SMG1: variants seen among roughly 807,000 people sequenced by gnomAD.
The protein encoded by SMG1 is serine/threonine-protein kinase SMG1.
A neutral mutation model predicts 419.9 loss-of-function variants in SMG1; 22 were observed. That is an observed-to-expected ratio of 0.05 (90% CI 0.04 to 0.07). SMG1 has a LOEUF of 0.07. Ranked by LOEUF, SMG1 falls within the 10% of genes least tolerant of loss-of-function variation. SMG1 has a pLI of 1.00. For synonymous variants in SMG1, 1,538 were observed against 1,553.5 expected (o/e 0.99, Z 0.23); for missense variants, 3,185 against 4,342.0 (o/e 0.73, Z 7.49).
intron 1 of SMG1, among the ~76,000 whole-genome samples, chr16:18,917,823 C>G (rs1198115953): frequency 6.6e-6 from 1 of 151,564 alleles, no homozygotes; most frequent in African/African-American, 2.4e-5. Flanking sequence ...GAGATCCACC[C>G]ACTTCAGCCT....
At chr16:18,838,514 T>G (rs2033720552) in intron 43 of SMG1, 37 bp downstream of exon 43, 1 of 1,613,886 alleles carries the variant, frequency 6.2e-7, no homozygotes, top group Admixed American at 1.7e-5. Context: ...CAAAAAACAT[T>G]TGGCCCTCAT....
chr16:18,925,903 A>G, intron 1 of SMG1, 47 bp downstream of exon 1: 8 of 1,429,852 alleles, frequency 5.6e-6, no homozygotes, highest in Non-Finnish European at 7.5e-6. Flanking sequence ...GGCCCGCCCG[A>G]GGCGGAGCCC....
chr16:18,830,901 T>C (rs2033130685), intron 51 of SMG1, among the ~76,000 whole-genome samples: 1 of 152,254 alleles, frequency 6.6e-6, no homozygotes, highest in African/African-American at 2.4e-5. Context: ...GATTAAATTT[T>C]ATGCAAACTT....
In SMG1 at chr16:18,882,293, G is replaced by A. The variant is rs776936696; in HGVS notation, c.1165C>T (p.Pro389Ser). The change falls in exon 10 of 63, where the codon CCT becomes TCT. Residue 389 changes from proline (P) to serine (S), a missense_variant. This residue lies in a region of SMG1 where 52 missense variants were observed against 69.0 expected (regional missense o/e 0.75). Transcript: ENST00000446231. ...ASGESVDEDV[P>S]PPSVSLPKLA... ...TTTGGTAATGACACTGATGGAGGAG[G>A]GACATCTTCATCCACTGATTCCCCA... 2.5e-6 allele frequency: 4 copies of A among 1,609,582 alleles called. No homozygotes were observed. In the Admixed American group the frequency reaches 6.7e-5, roughly 27 times the overall value.
chr16:18,905,559 T>C (rs2141918126), intron 1 of SMG1, among the ~76,000 whole-genome samples: 1 of 152,226 alleles, frequency 6.6e-6, no homozygotes, highest in East Asian at 1.9e-4. Context: ...TAACTTTAAT[T>C]CCAGTGACTC....
intron 38 of SMG1, among the ~76,000 whole-genome samples, chr16:18,847,152 C>A (rs1270994763): frequency 1.3e-5 from 2 of 152,124 alleles, no homozygotes; most frequent in Admixed American, 6.6e-5. Context: ...TATGTTTCTA[C>A]TTCTATGAGG....
chr16:18,821,217 G>GTTTTTTTTTTTTTTTTT (rs2032501770), intron 55 of SMG1, among the ~76,000 whole-genome samples: 2 of 31,736 alleles, frequency 6.3e-5, no homozygotes, highest in African/African-American at 2.1e-4. Context: ...TATTTAGTAT[G>GTTTTTTTTTTTTTTTTT]TTTCTTTTTT....
intron 40 of SMG1, 79 bp from the exon 41 acceptor site, chr16:18,841,873 C>T: frequency 8.3e-7 from 1 of 1,200,878 alleles, no homozygotes; most frequent in South Asian, 1.3e-5. Flanking sequence ...TTTCAACTAG[C>T]AGTGGCAGTC....
chr16:18,875,906 T>G (rs536907006), intron 13 of SMG1: 1 of 557,926 alleles, frequency 1.8e-6, no homozygotes, highest in East Asian at 2.9e-5. Flanking sequence ...ATAAAAAAAC[T>G]TATCAAGATT....
At position 18,847,902 on chromosome 16, in the gene SMG1, A is replaced by C. The variant is rs763725866; in HGVS notation, c.5755T>G (p.Leu1919Val). The C allele has an allele frequency of 5.6e-6, 9 of 1,613,906 alleles. No individual in the cohort carries two copies. In the Admixed American group the frequency reaches 1.5e-4, roughly 27 times the overall value. Residue 1919 changes from leucine to valine, a missense_variant, in exon 37 of 63, where the codon TTA (leucine) becomes GTA (valine). Transcript: ENST00000446231. ...DSNKDEPKSG[L>V]NEDQAMMQDC... is the part of the protein sequence containing the mutation. ...TGCATCATGGCTTGGTCTTCATTTA[A>C]TCCACTTTTAGGTTCATCCTTATTG...
At chr16:18,876,809 T>A (rs572460983) in intron 12 of SMG1, among the ~76,000 whole-genome samples, 1 of 152,176 alleles carries the variant, frequency 6.6e-6, no homozygotes, top group South Asian at 2.1e-4. Context: ...TTACAAAATA[T>A]ACAGTACTTC....
Position 18,858,267 on chromosome 16 carries a change from A to G in SMG1, c.4137T>C (p.Ser1379=), listed in dbSNP as rs1007417134. The change falls in exon 29 of 63, where the codon AGT becomes AGC. Residue 1379 remains serine, a synonymous_variant. Transcript: ENST00000446231. ...STEDCLIPLF[S]EALRSCKQHD... ...GCTGTTTACATGAACGTAAAGCTTC[A>G]CTGAAGAGTGGAATAAGACAGTCCT... The G allele has an allele frequency of 5.6e-6, 9 of 1,606,554 alleles. No individual in the cohort carries two copies. Among genetic ancestry groups the G allele is most frequent in the East Asian group, 4.5e-5 (2 of 44,716 alleles).
intron 39 of SMG1, among the ~76,000 whole-genome samples, chr16:18,844,570 T>TCACACACA (rs56381713): frequency 1.2e-4 from 11 of 88,544 alleles, no homozygotes; most frequent in Admixed American, 7.1e-4. Flanking sequence ...CATCCTTCTC[T>TCACACACA]CACACACACA....
At chr16:18,897,415 G>T (rs2037175214) in intron 1 of SMG1, among the ~76,000 whole-genome samples, 1 of 152,172 alleles carries the variant, frequency 6.6e-6, no homozygotes. Context: ...CTGGCAGCAT[G>T]TCAGGGACGG....
chr16:18,916,138 T>A (rs577006865), intron 1 of SMG1, among the ~76,000 whole-genome samples: 1 of 138,368 alleles, frequency 7.2e-6, no homozygotes, highest in Non-Finnish European at 1.6e-5. Flanking sequence ...ATAAATTTTA[T>A]CTCAAAGAAG....
In SMG1 at chr16:18,837,409, A is replaced by G; in HGVS notation, c.7448T>C (p.Val2483Ala). The change falls in exon 46 of 63, where the codon GTT (valine) becomes GCT (alanine). Residue 2483 changes from valine (V) to alanine (A), a missense_variant. This residue lies in a region of SMG1 where 412 missense variants were observed against 546.6 expected (regional missense o/e 0.75). Transcript: ENST00000446231. ...NWFKNRDEML[V>A]VLPKLDGSLD... ...GCTACCGTCCAACTTGGGAAGCACA[A>G]CCAGCATCTCATCTCTATTCTTAAA... 1 of 1,613,962 alleles carries G rather than the reference A, an allele frequency of 6.2e-7. No homozygotes were observed. Among genetic ancestry groups the G allele is most frequent in the Non-Finnish European group, 8.5e-7 (1 of 1,179,864 alleles).
At chr16:18,812,601 CAT>C (rs200173434) in intron 60 of SMG1, among the ~76,000 whole-genome samples, 26 of 142,360 alleles carry the variant, frequency 1.8e-4, no homozygotes, top group African/African-American at 5.4e-4. Flanking sequence ...TATATATACA[CAT>C]ATATATACAT....
At position 18,891,524 on chromosome 16, in the gene SMG1, T is replaced by C. The variant is rs542014949; in HGVS notation, c.550-603A>G. Among the ~76,000 whole-genome samples, 3 of 152,188 alleles carry C rather than the reference T, an allele frequency of 2.0e-5. No homozygotes were observed. The South Asian group carries it at 6.2e-4, about 32-fold the overall frequency. On this transcript the variant is annotated intron_variant, in intron 4 of 62. Transcript: ENST00000446231. The stretch of plus-strand genomic sequence containing the variant: ...GATCTCAGCTCACTGCAACCTCCGT[T>C]TCCTGGGTTCAAGCGATTCTCCTGC...
intron 1 of SMG1, among the ~76,000 whole-genome samples, chr16:18,904,509 G>C (rs1304429539): frequency 6.6e-6 from 1 of 151,576 alleles, no homozygotes; most frequent in Non-Finnish European, 1.5e-5. Flanking sequence ...GTGGTGGCAC[G>C]CACCTGTAGT....
Sources: allele counts gnomAD v4.1 joint callset (sites outside exome capture counted in the v4.1 genomes callset), GRCh38; gene constraint gnomAD v4.1.1; regional missense constraint gnomAD v4.1.1; transcripts MANE v1.5; gene names NCBI Gene and HGNC (gene_info 2026-07-23, HGNC 2026-07-21).